Variants in USP14 observed in about 807,000 individuals in gnomAD.
The protein encoded by USP14 is ubiquitin specific peptidase 14.
USP14 carries 38 observed loss-of-function variants against 76.5 expected under a neutral mutation model. The ratio of observed to expected loss-of-function variants is 0.50; its 90% confidence interval spans 0.38 to 0.65. USP14 has a LOEUF of 0.65. Ranked by LOEUF, USP14 falls within the 30% of genes least tolerant of loss-of-function variation. The probability of loss-of-function intolerance (pLI) is 0.00; values close to 1 mark genes in which losing one functional copy is unlikely to be tolerated. For missense variants in USP14, 467 were observed against 586.5 expected (o/e 0.80, Z 2.10); for synonymous variants, 192 against 191.7 (o/e 1.00, Z -0.01).
At chr18:192,724 C>T in intron 5 of USP14, 118 bp from the exon 6 acceptor site, 1 of 831,648 alleles carries the variant, frequency 1.2e-6, no homozygotes, top group East Asian at 2.7e-5. Context: ...AAGGTGGGAA[C>T]AACTCTGAGA....
rs1319337434 is a variant in USP14, at chr18:179,152, A to T, written c.300+115A>T. The T allele has an allele frequency of 1.1e-5, 7 of 653,790 alleles. No homozygotes were observed. The East Asian group carries it at 2.1e-4, about 20-fold the overall frequency. The allele number at this position is 653,790 out of a possible 1,614,324, so 40.5% of individuals were successfully genotyped here. On this transcript the variant is annotated intron_variant, in intron 4 of 15. Transcript: ENST00000261601. ...TGAAGACTTAATCATTAATACCAAGATAGATATTTTTAGCAGTAAATAAGA... is the reference window on the plus strand; with the variant it reads ...TGAAGACTTAATCATTAATACCAAGTTAGATATTTTTAGCAGTAAATAAGA...
In USP14 at chr18:213,693, A is replaced by G. The variant is rs1910744069; in HGVS notation, c.*2409A>G. 6.6e-6 allele frequency: 1 copy of G among 152,554 alleles called. No individual in the cohort carries two copies. Among genetic ancestry groups the G allele is most frequent in the Non-Finnish European group, 1.5e-5 (1 of 68,040 alleles). The allele number at this position is 152,554 out of a possible 1,614,324, so 9.5% of individuals were successfully genotyped here. A position where few individuals can be genotyped will look rare whatever the true frequency, so the allele number is the denominator to read the frequency against. ...CACTCAGTAGCCCTTCTTCAGGATT[A>G]AAAACGATGATGACCTCATCTTAGA... On this transcript the variant is annotated 3_prime_UTR_variant, in exon 16 of 16. Coordinates refer to ENST00000261601, the MANE Select transcript of USP14 (RefSeq NM_005151.4).
At position 211,404 on chromosome 18, in the gene USP14, A is replaced by G. The variant is rs1910666013; in HGVS notation, c.*120A>G. The stretch of plus-strand genomic sequence containing the variant: ...GTTTATGTTTCACCTCATTTGGAAC[A>G]AAAGAGGACAGAAGCAGACCACTCT... On this transcript the variant is annotated 3_prime_UTR_variant, in exon 16 of 16. Coordinates refer to ENST00000261601, the MANE Select transcript of USP14 (RefSeq NM_005151.4). 9.2e-7 allele frequency: 1 copy of G among 1,089,582 alleles called. No homozygotes were observed. The highest frequency in any genetic ancestry group is 2.9e-5 in the Admixed American group (1 of 35,068). The allele number at this position is 1,089,582 out of a possible 1,614,324, so 67.5% of individuals were successfully genotyped here.
intron 3 of USP14, among the ~76,000 whole-genome samples, chr18:170,218 T>G (rs1909404279): frequency 1.3e-5 from 2 of 152,086 alleles, no homozygotes. Context: ...GCAGGAGAAT[T>G]GCTTGAGCCT....
At chr18:176,515 C>G (rs1013656353) in intron 3 of USP14, among the ~76,000 whole-genome samples, 8 of 151,992 alleles carry the variant, frequency 5.3e-5, no homozygotes, top group African/African-American at 1.9e-4. Flanking sequence ...TAATTTTAAG[C>G]CTTTTTTTAA....
chr18:204,108 T>C (rs1910460666), intron 12 of USP14, among the ~76,000 whole-genome samples: 1 of 152,096 alleles, frequency 6.6e-6, no homozygotes. Flanking sequence ...GTAGTTGAAG[T>C]ATCTAGTGTT....
intron 10 of USP14, among the ~76,000 whole-genome samples, chr18:200,859 T>C (rs1440925488): frequency 3.9e-5 from 6 of 152,178 alleles, no homozygotes; most frequent in Non-Finnish European, 8.8e-5. Context: ...TGGAGTGCAG[T>C]GGCACAATCT....
At chr18:199,153 A>G (rs949811841) in intron 9 of USP14, 49 bp from the exon 10 acceptor site, 1 of 1,166,364 alleles carries the variant, frequency 8.6e-7, no homozygotes, top group Admixed American at 1.8e-5. Flanking sequence ...TCAAGAGTAT[A>G]TAACAAATTG....
At chr18:176,066 T>A (rs1909617424) in intron 3 of USP14, among the ~76,000 whole-genome samples, 1 of 152,190 alleles carries the variant, frequency 6.6e-6, no homozygotes, top group South Asian at 2.1e-4. Flanking sequence ...GTGCTGCTTT[T>A]TCGTTTTCCT....
chr18:170,640 A>G (rs1909416390), intron 3 of USP14, among the ~76,000 whole-genome samples: 1 of 152,212 alleles, frequency 6.6e-6, no homozygotes, highest in Admixed American at 6.5e-5. Flanking sequence ...AGATCAAACT[A>G]GCCACAACAT....
Position 178,968 on chromosome 18 carries a change from T to C in USP14, c.231T>C (p.Ala77=). 6.2e-7 allele frequency: 1 copy of C among 1,613,356 alleles called. No homozygotes were observed. Among genetic ancestry groups the C allele is most frequent in the Non-Finnish European group, 8.5e-7 (1 of 1,179,702 alleles). Residue 77 remains alanine (A), a synonymous_variant, in exon 4 of 16, where the codon GCT becomes GCC. Coordinates refer to ENST00000261601, the MANE Select transcript of USP14 (RefSeq NM_005151.4). ...MTLLMMGSAD[A]LPEEPSAKTV... ...TACTAATGATGGGGTCAGCAGATGC[T>C]CTTCCAGAAGAACCCTCAGCCAAAA...
chr18:190,947 A>G (rs1350631502), intron 5 of USP14, among the ~76,000 whole-genome samples: 1 of 152,132 alleles, frequency 6.6e-6, no homozygotes, highest in Non-Finnish European at 1.5e-5. Flanking sequence ...ATATTAAATT[A>G]CATATGACCT....
At chr18:183,642 T>C (rs1033895475) in intron 5 of USP14, among the ~76,000 whole-genome samples, 2 of 152,150 alleles carry the variant, frequency 1.3e-5, no homozygotes, top group Admixed American at 1.3e-4. Flanking sequence ...TTTCACTGCT[T>C]ACTTATCATG....
At chr18:168,869 A>T in intron 3 of USP14, among the ~76,000 whole-genome samples, 1 of 149,588 alleles carries the variant, frequency 6.7e-6, no homozygotes, top group East Asian at 2.1e-4. Flanking sequence ...TCGGAGATCG[A>T]GACCATCCTG....
At position 172,431 on chromosome 18, in the gene USP14, G is replaced by A. The variant is rs528813803; in HGVS notation, c.195+5612G>A. Among the ~76,000 whole-genome samples, 39 of 152,278 alleles carry A rather than the reference G, an allele frequency of 2.6e-4. 1 individual carries two copies. Among genetic ancestry groups the A allele is most frequent in the Admixed American group, 5.9e-4 (9 of 15,288 alleles). ...GACAATAAAGGATTTAAAATATTACGTAGGCTTACTTGATAAAGCAGCAGC... is the reference window on the plus strand; with the variant it reads ...GACAATAAAGGATTTAAAATATTACATAGGCTTACTTGATAAAGCAGCAGC... On this transcript the variant is annotated intron_variant, in intron 3 of 15. Transcript: ENST00000261601.
In USP14 at chr18:213,492, G is replaced by GTCTT. The variant is rs1445500976; in HGVS notation, c.*2210_*2213dup. 5 of 152,014 alleles carry GTCTT rather than the reference G, an allele frequency of 3.3e-5. No individual in the cohort carries two copies. Among genetic ancestry groups the GTCTT allele is most frequent in the South Asian group, 2.1e-4 (1 of 4,804 alleles). 9.4% of individuals were successfully genotyped at this position (152,014 alleles called of 1,614,324 possible). ...TTTAGAATTCAGCCTTGCCTGTAAG[G>GTCTT]TCTTTGAGAAGGGAGAGGAGTAGGC... On this transcript the variant is annotated 3_prime_UTR_variant, in exon 16 of 16. Coordinates refer to ENST00000261601, the MANE Select transcript of USP14 (RefSeq NM_005151.4).
chr18:189,674 G>A (rs1002768538), intron 5 of USP14, among the ~76,000 whole-genome samples: 7 of 152,048 alleles, frequency 4.6e-5, no homozygotes, highest in African/African-American at 1.7e-4. Flanking sequence ...TTAGAGACAG[G>A]GTTTCATCAT....
chr18:194,752 G>A (rs1257272021), intron 6 of USP14, among the ~76,000 whole-genome samples: 5 of 152,090 alleles, frequency 3.3e-5, no homozygotes, highest in Non-Finnish European at 7.4e-5. Flanking sequence ...CCAACATGGC[G>A]AAACCCCGTC....
chr18:166,925 A>G, intron 3 of USP14, 106 bp downstream of exon 3: 1 of 966,594 alleles, frequency 1.0e-6, no homozygotes, highest in Non-Finnish European at 1.5e-6. Flanking sequence ...TTGTTCCAGC[A>G]CTATCTGTTG....
Sources: allele counts gnomAD v4.1 joint callset (sites outside exome capture counted in the v4.1 genomes callset), GRCh38; gene constraint gnomAD v4.1.1; transcripts MANE v1.5; gene names NCBI Gene and HGNC (gene_info 2026-07-23, HGNC 2026-07-21).